CRISPLD1: variants seen among roughly 807,000 people sequenced by gnomAD.
CRISPLD1 encodes cysteine-rich secretory protein LCCL domain-containing 1.
In CRISPLD1, 60 loss-of-function variants were observed where a neutral mutation model predicts 77.5. That is an observed-to-expected ratio of 0.77 (90% CI 0.63 to 0.96). The LOEUF (loss-of-function observed/expected upper bound fraction) is 0.96. Ranked by LOEUF, CRISPLD1 falls within the 40% of genes least tolerant of loss-of-function variation. The pLI is 0.00. For missense variants in CRISPLD1, 623 were observed against 615.8 expected (o/e 1.01, Z -0.12); for synonymous variants, 195 against 200.1 (o/e 0.97, Z 0.22).
At chr8:75,029,245 C>CA in intron 13 of CRISPLD1, 142 bp from the exon 14 acceptor site, 1 of 858,962 alleles carries the variant, frequency 1.2e-6, no homozygotes, top group Non-Finnish European at 1.8e-6. Flanking sequence ...CTTTTATGCA[C>CA]AAAACCTCAT....
Position 75,029,478 on chromosome 8 carries a change from C to A in CRISPLD1, c.1412C>A (p.Thr471Asn). 2 of 1,613,580 alleles carry A rather than the reference C, an allele frequency of 1.2e-6. No homozygotes were observed. Among genetic ancestry groups the A allele is most frequent in the Non-Finnish European group, 1.7e-6 (2 of 1,179,644 alleles). ...GTAATGCCTGTGGACAAAAGAAAGA[C>A]CTACATTGCTTCTTTTCAGAATGGA... is the stretch of plus-strand genomic sequence containing the variant. ...VDVMPVDKRKTYIASFQNGIF... is the reference protein window; with the variant it reads ...VDVMPVDKRKNYIASFQNGIF... The change falls in exon 14 of 15, where the codon ACC becomes AAC. Residue 471 changes from threonine to asparagine, a missense_variant. Coordinates refer to ENST00000262207, the MANE Select transcript of CRISPLD1 (RefSeq NM_031461.6).
In CRISPLD1 at chr8:75,032,409, G is replaced by T; in HGVS notation, c.*167G>T. ...AACAAAGTCTATAAAATAAAACATG[G>T]GACATTAGCTTTGGGAAAAGTAATG... On this transcript the variant is annotated 3_prime_UTR_variant, in exon 15 of 15. Transcript: ENST00000262207. The T allele has an allele frequency of 2.3e-6, 1 of 430,334 alleles. No individual in the cohort carries two copies. The allele number at this position is 430,334 out of a possible 1,614,324, so 26.7% of individuals were successfully genotyped here. A position where few individuals can be genotyped will look rare whatever the true frequency, so the allele number is the denominator to read the frequency against.
intron 6 of CRISPLD1, among the ~76,000 whole-genome samples, chr8:75,016,084 C>A (rs1813022292): frequency 6.6e-6 from 1 of 152,078 alleles, no homozygotes; most frequent in African/African-American, 2.4e-5. Context: ...AGGAAAAAAA[C>A]TCTATGGACA....
intron 1 of CRISPLD1, among the ~76,000 whole-genome samples, chr8:74,985,704 A>G (rs1407430162): frequency 6.6e-6 from 1 of 152,112 alleles, no homozygotes; most frequent in East Asian, 1.9e-4. Flanking sequence ...TATCTTGGAT[A>G]ATACAGTTGT....
intron 2 of CRISPLD1, among the ~76,000 whole-genome samples, chr8:74,988,776 A>G (rs1253474275): frequency 6.6e-6 from 1 of 152,184 alleles, no homozygotes; most frequent in Non-Finnish European, 1.5e-5. Context: ...GGAAGGTTGT[A>G]GTAAGCTGAG....
intron 2 of CRISPLD1, among the ~76,000 whole-genome samples, chr8:75,008,791 T>C (rs916748383): frequency 2.6e-5 from 4 of 152,188 alleles, no homozygotes; most frequent in African/African-American, 9.6e-5. Context: ...ATTGTATATA[T>C]TCAACATTGA....
rs960913250 is a variant in CRISPLD1 at position 75,033,504 on chromosome 8, G to A, written c.*1262G>A. On this transcript the variant is annotated 3_prime_UTR_variant, in exon 15 of 15. Transcript: ENST00000262207. ...ACACATATTTAGAAACACAGCAAGG[G>A]AGATTTTGAATAAAGAGAGAGATGA... 2 of 151,926 alleles carry A rather than the reference G, an allele frequency of 1.3e-5. No individual in the cohort carries two copies. The highest frequency in any genetic ancestry group is 6.6e-5 in the Admixed American group (1 of 15,242). 9.4% of individuals were successfully genotyped at this position (151,926 alleles called of 1,614,324 possible).
At chr8:74,990,729 A>G (rs1158914680) in intron 2 of CRISPLD1, among the ~76,000 whole-genome samples, 1 of 151,490 alleles carries the variant, frequency 6.6e-6, no homozygotes, top group Non-Finnish European at 1.5e-5. Flanking sequence ...TTTGTTGTTG[A>G]TTAATATCAC....
intron 5 of CRISPLD1, 143 bp downstream of exon 5, chr8:75,014,245 TGTA>T: frequency 1.6e-6 from 1 of 620,658 alleles, no homozygotes; most frequent in East Asian, 2.9e-5. Flanking sequence ...TGGCAACAAT[TGTA>T]GTTGCCTAAT....
At chr8:75,012,617 C>G (rs1812952629) in intron 3 of CRISPLD1, 66 bp downstream of exon 3, 2 of 1,104,094 alleles carry the variant, frequency 1.8e-6, no homozygotes, top group African/African-American at 1.6e-5. Context: ...CTTATTAATT[C>G]ATCAGTACAA....
At chr8:75,009,310 A>C (rs1812888463) in intron 2 of CRISPLD1, among the ~76,000 whole-genome samples, 1 of 151,584 alleles carries the variant, frequency 6.6e-6, no homozygotes, top group Non-Finnish European at 1.5e-5. Context: ...TAAGTCTGTC[A>C]CGATGTGTCT....
Position 74,986,079 on chromosome 8 carries a change from T to C in CRISPLD1, c.92T>C (p.Leu31Ser). Residue 31 changes from leucine to serine, a missense_variant, in exon 2 of 15, where the codon TTA becomes TCA. By Grantham distance (145) the Leu-to-Ser change is moderately radical (BLOSUM62 -2). Transcript: ENST00000262207. ...GCCATGGTGGTTCCCAATGCCACTT[T>C]ATTGGAGAAACTTTTGGAAAAATAC... Reference protein sequence around the residue: ...IPAMVVPNATLLEKLLEKYMD... With the variant: ...IPAMVVPNATSLEKLLEKYMD... 6.2e-7 allele frequency: 1 copy of C among 1,614,184 alleles called. No individual in the cohort carries two copies. Among genetic ancestry groups the C allele is most frequent in the Non-Finnish European group, 8.5e-7 (1 of 1,180,034 alleles).
intron 2 of CRISPLD1, among the ~76,000 whole-genome samples, chr8:74,987,956 G>A (rs962021816): frequency 6.6e-6 from 1 of 152,192 alleles, no homozygotes; most frequent in Non-Finnish European, 1.5e-5. Context: ...TCTGGTCTGG[G>A]ATGTTTATAT....
intron 2 of CRISPLD1, among the ~76,000 whole-genome samples, chr8:74,993,940 G>A (rs1812611625): frequency 6.6e-6 from 1 of 152,230 alleles, no homozygotes; most frequent in African/African-American, 2.4e-5. Flanking sequence ...AGCATGAGAA[G>A]TGTGGTAGGA....
intron 12 of CRISPLD1, among the ~76,000 whole-genome samples, chr8:75,020,536 ACT>A (rs1165216575): frequency 6.6e-6 from 1 of 152,090 alleles, no homozygotes; most frequent in African/African-American, 2.4e-5. Flanking sequence ...AAGAGAGCTC[ACT>A]CTCTTACATC....
chr8:75,027,650 A>C (rs1813256488), intron 13 of CRISPLD1, among the ~76,000 whole-genome samples: 1 of 152,186 alleles, frequency 6.6e-6, no homozygotes, highest in East Asian at 1.9e-4. Flanking sequence ...CAAGTATGAA[A>C]TCAGAGATCC....
At chr8:75,023,791 CGTGTGT>C (rs892160096) in intron 12 of CRISPLD1, among the ~76,000 whole-genome samples, 2 of 67,630 alleles carry the variant, frequency 3.0e-5, no homozygotes, top group Admixed American at 1.2e-4. Context: ...GTGATGAGTG[CGTGTGT>C]GTGTGTGTGT....
chr8:75,005,318 G>T (rs1812809840), intron 2 of CRISPLD1, among the ~76,000 whole-genome samples: 1 of 152,092 alleles, frequency 6.6e-6, no homozygotes, highest in African/African-American at 2.4e-5. Context: ...AAGTACAAAA[G>T]AATTCGGAAA....
At position 75,032,657 on chromosome 8, in the gene CRISPLD1, T is replaced by C. The variant is rs1432639081; in HGVS notation, c.*415T>C. On this transcript the variant is annotated 3_prime_UTR_variant, in exon 15 of 15. Coordinates refer to ENST00000262207, the MANE Select transcript of CRISPLD1 (RefSeq NM_031461.6). Reference sequence around the variant, plus strand: ...TCGACTCTAAAACTGAAAGAAACCTTATCACATTTTCCCCAGTTCAATGCT... The same window carrying C: ...TCGACTCTAAAACTGAAAGAAACCTCATCACATTTTCCCCAGTTCAATGCT... 1 of 153,348 alleles carries C rather than the reference T, an allele frequency of 6.5e-6. No homozygotes were observed. Among genetic ancestry groups the C allele is most frequent in the Non-Finnish European group, 1.5e-5 (1 of 68,616 alleles). The allele number at this position is 153,348 out of a possible 1,614,324, so 9.5% of individuals were successfully genotyped here.
Sources: allele counts gnomAD v4.1 joint callset (sites outside exome capture counted in the v4.1 genomes callset), GRCh38; gene constraint gnomAD v4.1.1; transcripts MANE v1.5; gene names NCBI Gene and HGNC (gene_info 2026-07-23, HGNC 2026-07-21).